SCHIP1: variants seen among roughly 807,000 people sequenced by gnomAD.
The protein encoded by SCHIP1 is schwannomin interacting protein 1.
In SCHIP1, 8 loss-of-function variants were observed where a neutral mutation model predicts 29.7. The observed-to-expected ratio is 0.27, with a 90% confidence interval of 0.16 to 0.49. The LOEUF is 0.49. Among genes scored for constraint, SCHIP1 ranks in the 20% least tolerant of loss-of-function variants. The pLI is 0.99. For synonymous variants in SCHIP1, 76 were observed against 94.9 expected (o/e 0.80, Z 1.16); for missense variants, 193 against 294.6 (o/e 0.66, Z 2.52).
the SCHIP1 span, among the ~76,000 whole-genome samples, chr3:159,328,070 C>A: frequency 3.9e-5 from 6 of 152,198 alleles, no homozygotes; most frequent in African/African-American, 1.4e-4. Context: ...TATAGCCTTA[C>A]AGCTGTACCA....
the SCHIP1 span, among the ~76,000 whole-genome samples, chr3:159,675,779 C>T: frequency 6.6e-6 from 1 of 152,182 alleles, no homozygotes; most frequent in Non-Finnish European, 1.5e-5. Flanking sequence ...GCTGTCTCCC[C>T]ATCTTTGTCC....
chr3:159,651,385 T>C, the SCHIP1 span, among the ~76,000 whole-genome samples: 1 of 152,160 alleles, frequency 6.6e-6, no homozygotes, highest in Non-Finnish European at 1.5e-5. Flanking sequence ...TTTAGAAGTG[T>C]CCCCATGCAC....
intron 2 of SCHIP1, among the ~76,000 whole-genome samples, chr3:159,875,466 A>G (rs1381363410): frequency 1.3e-5 from 2 of 152,212 alleles, no homozygotes; most frequent in African/African-American, 4.8e-5. Flanking sequence ...ATATTTAAAA[A>G]TGGCTCTAGT....
the SCHIP1 span, among the ~76,000 whole-genome samples, chr3:159,587,014 C>A: frequency 2.0e-5 from 3 of 152,158 alleles, no homozygotes; most frequent in African/African-American, 7.2e-5. Context: ...TAAAACTGCA[C>A]GTGCTGTTTG....
At chr3:159,829,996 G>C in the SCHIP1 span, among the ~76,000 whole-genome samples, 3 of 152,190 alleles carry the variant, frequency 2.0e-5, no homozygotes, top group African/African-American at 7.2e-5. Context: ...TTTTGAATAA[G>C]TTTCTTGCTA....
At chr3:159,548,536 A>C in the SCHIP1 span, among the ~76,000 whole-genome samples, 1 of 151,868 alleles carries the variant, frequency 6.6e-6, no homozygotes, top group African/African-American at 2.4e-5. Context: ...TAGAACTCCA[A>C]TGATATATAT....
the SCHIP1 span, among the ~76,000 whole-genome samples, chr3:159,783,578 T>C: frequency 6.6e-6 from 1 of 152,256 alleles, no homozygotes; most frequent in African/African-American, 2.4e-5. Context: ...ATTTTTATGC[T>C]GCAAGGAGTT....
At chr3:159,385,415 G>C in the SCHIP1 span, among the ~76,000 whole-genome samples, 19 of 151,982 alleles carry the variant, frequency 1.3e-4, no homozygotes, top group Non-Finnish European at 2.4e-4. Context: ...AAAATTAGCA[G>C]GTATGGTGGC....
chr3:159,425,400 T>G, the SCHIP1 span, among the ~76,000 whole-genome samples: 3 of 150,676 alleles, frequency 2.0e-5, no homozygotes, highest in East Asian at 2.0e-4. Flanking sequence ...TCCTAGTCTC[T>G]GATAAAACAG....
chr3:159,414,458 G>T, the SCHIP1 span, among the ~76,000 whole-genome samples: 1 of 152,142 alleles, frequency 6.6e-6, no homozygotes, highest in South Asian at 2.1e-4. Context: ...CTCTTTCCAG[G>T]TGCTCTCCTT....
chr3:159,736,141 T>C, the SCHIP1 span, among the ~76,000 whole-genome samples: 1 of 152,340 alleles, frequency 6.6e-6, no homozygotes, highest in East Asian at 1.9e-4. Flanking sequence ...ATGGATATGT[T>C]TCTAAGGATG....
chr3:159,480,546 T>C, the SCHIP1 span, among the ~76,000 whole-genome samples: 5 of 152,308 alleles, frequency 3.3e-5, no homozygotes, highest in South Asian at 1.0e-3. Context: ...GGGAATTTTG[T>C]GGGTTTTTCT....
the SCHIP1 span, among the ~76,000 whole-genome samples, chr3:159,696,200 T>C: frequency 6.6e-6 from 1 of 152,342 alleles, no homozygotes; most frequent in Admixed American, 6.5e-5. Context: ...CTACTCACAT[T>C]TGTGGCTTCC....
the SCHIP1 span, among the ~76,000 whole-genome samples, chr3:159,833,331 T>A: frequency 1.6e-4 from 24 of 152,162 alleles, no homozygotes; most frequent in Non-Finnish European, 2.8e-4. Flanking sequence ...CTTCCTTGGC[T>A]TGTGGCCTCT....
the SCHIP1 span, among the ~76,000 whole-genome samples, chr3:159,464,169 G>A: frequency 1.3e-5 from 2 of 152,108 alleles, no homozygotes; most frequent in Non-Finnish European, 2.9e-5. Context: ...GAGAGAATAT[G>A]ATTCAGGAAC....
the SCHIP1 span, among the ~76,000 whole-genome samples, chr3:159,557,374 T>A: frequency 6.6e-6 from 1 of 152,248 alleles, no homozygotes. Flanking sequence ...ACTCCTACTA[T>A]GTCTTTTCAT....
At chr3:159,373,861 A>G in the SCHIP1 span, among the ~76,000 whole-genome samples, 3 of 152,160 alleles carry the variant, frequency 2.0e-5, no homozygotes, top group African/African-American at 7.2e-5. Flanking sequence ...TAACTTGGCT[A>G]CTATGAACAC....
At chr3:159,462,739 G>T in the SCHIP1 span, among the ~76,000 whole-genome samples, 2 of 151,960 alleles carry the variant, frequency 1.3e-5, no homozygotes, top group African/African-American at 4.8e-5. Context: ...CTTCCCCTCA[G>T]TTCTTGTTCA....
chr3:159,451,845 A>G, the SCHIP1 span, among the ~76,000 whole-genome samples: 1 of 152,156 alleles, frequency 6.6e-6, no homozygotes, highest in South Asian at 2.1e-4. Context: ...GTTTGATTGG[A>G]GCCTGTAGAG....
Sources: allele counts gnomAD v4.1 joint callset (sites outside exome capture counted in the v4.1 genomes callset), GRCh38; gene constraint gnomAD v4.1.1; transcripts MANE v1.5; gene names NCBI Gene and HGNC (gene_info 2026-07-23, HGNC 2026-07-21).